The following CCDC12 variants were observed in gnomAD, a reference collection of about 807,000 sequenced individuals.
CCDC12 encodes the protein coiled-coil domain-containing protein 12.
Under a neutral mutation model 25.7 loss-of-function variants are expected in CCDC12, and 28 were observed. The ratio of observed to expected loss-of-function variants is 1.09; its 90% CI spans 0.81 to 1.50. The LOEUF is 1.50. Among genes scored for constraint, CCDC12 ranks in the 40% most tolerant of loss-of-function variants. CCDC12 has a pLI of 0.00. For synonymous variants in CCDC12, 75 were observed against 87.7 expected (o/e 0.86, Z 0.81); for missense variants, 198 against 210.0 (o/e 0.94, Z 0.35).
chr3:46,981,637 C>T (rs2035348689), upstream of CCDC12, among the ~76,000 whole-genome samples: 1 of 152,126 alleles, frequency 6.6e-6, no homozygotes, highest in Admixed American at 6.5e-5. Flanking sequence ...TGAAGAGAAG[C>T]CTACCCTAGT....
chr3:46,971,703 A>C (rs2034807152), intron 1 of CCDC12, among the ~76,000 whole-genome samples: 1 of 152,172 alleles, frequency 6.6e-6, no homozygotes, highest in African/African-American at 2.4e-5. Flanking sequence ...CCATGCCTGA[A>C]ATTCCTAAGG....
At chr3:46,941,123 G>T in intron 1 of CCDC12, 58 bp from the exon 2 acceptor site, 1 of 1,547,242 alleles carries the variant, frequency 6.5e-7, no homozygotes, top group African/African-American at 1.4e-5. Context: ...TCCAGTCCAC[G>T]TGGCCCAGGG....
At chr3:46,930,214 T>A (rs1477139053) in intron 2 of CCDC12, among the ~76,000 whole-genome samples, 1 of 152,072 alleles carries the variant, frequency 6.6e-6, no homozygotes, top group Non-Finnish European at 1.5e-5. Flanking sequence ...TTCTGTAGTT[T>A]CCGGAATTTC....
chr3:46,976,245 CT>C, intron 1 of CCDC12: 1 of 969,408 alleles, frequency 1.0e-6, no homozygotes, highest in Non-Finnish European at 1.3e-6. Flanking sequence ...GTCTGTCTGA[CT>C]CAGAATCGAA....
upstream of CCDC12, among the ~76,000 whole-genome samples, chr3:46,977,249 C>T (rs1312231995): frequency 1.3e-5 from 2 of 152,118 alleles, no homozygotes; most frequent in African/African-American, 4.8e-5. Flanking sequence ...CCGAGGAGGG[C>T]GGACCACGAG....
rs535816496 is a variant in CCDC12, at chr3:46,942,454, T to C, written c.97-1389A>G. Among the ~76,000 whole-genome samples, 3 of 152,382 alleles carry C rather than the reference T, an allele frequency of 2.0e-5. No individual in the cohort carries two copies. In the South Asian group the frequency reaches 6.2e-4, roughly 32 times the overall value. On this transcript the variant is annotated intron_variant, in intron 1 of 6. Coordinates refer to ENST00000683445, the MANE Select transcript of CCDC12 (RefSeq NM_001277074.2). Reference sequence around the variant, plus strand: ...GGAGCCTGCTCTGGTGGACACAGAATGCGCTGGAGCCTGCATATAAATTAT... The same window carrying C: ...GGAGCCTGCTCTGGTGGACACAGAACGCGCTGGAGCCTGCATATAAATTAT...
At chr3:46,971,910 G>A (rs1275402814) in intron 1 of CCDC12, among the ~76,000 whole-genome samples, 1 of 152,142 alleles carries the variant, frequency 6.6e-6, no homozygotes, top group Non-Finnish European at 1.5e-5. Flanking sequence ...CTCTGAAGGA[G>A]GAGACTCAAG....
In CCDC12 at chr3:46,922,072, G is replaced by A. The variant is rs1304250838; in HGVS notation, c.486C>T (p.Thr162=). The A allele has an allele frequency of 8.7e-6, 14 of 1,614,062 alleles. No individual in the cohort carries two copies. The highest frequency in any genetic ancestry group is 2.7e-5 in the African/African-American group (2 of 74,958). The change falls in exon 7 of 7, where the codon ACC becomes ACT. Residue 162 remains threonine (T), a synonymous_variant. Coordinates refer to ENST00000683445, the MANE Select transcript of CCDC12 (RefSeq NM_001277074.2). Reference sequence around the variant, plus strand: ...AGGGCATGCCTCAGTCGGAGTCACAGGTCTTTTGTTCGGTGGCAGCATCCA... The same window carrying A: ...AGGGCATGCCTCAGTCGGAGTCACAAGTCTTTTGTTCGGTGGCAGCATCCA... The part of the protein sequence containing the change: ...SAVDAATEQK[T]CDSD
At chr3:46,936,343 C>T (rs946815324) in intron 2 of CCDC12, among the ~76,000 whole-genome samples, 8 of 152,198 alleles carry the variant, frequency 5.3e-5, no homozygotes, top group Non-Finnish European at 8.8e-5. Flanking sequence ...CTGGCACATG[C>T]TTTATGTAAA....
Position 46,968,565 on chromosome 3 carries a change from CAA to C in CCDC12, c.96+8070_96+8071del, listed in dbSNP as rs564854634. ...AGAAGCTGTATCTCGATTTTATAGACAAGAGAGAGGCTCAGATTTTTCAAGGC... is the reference window on the plus strand; with the variant it reads ...AGAAGCTGTATCTCGATTTTATAGACGAGAGAGGCTCAGATTTTTCAAGGC... On this transcript the variant is annotated intron_variant, in intron 1 of 6. Transcript: ENST00000683445. Among the ~76,000 whole-genome samples, 155 of 152,314 alleles carry C rather than the reference CAA, an allele frequency of 1.0e-3. 1 individual carries two copies. Among genetic ancestry groups the C allele is most frequent in the Non-Finnish European group, 1.2e-3 (82 of 68,036 alleles).
intron 1 of CCDC12, among the ~76,000 whole-genome samples, chr3:46,961,456 T>G (rs1173894273): frequency 6.6e-6 from 1 of 152,162 alleles, no homozygotes; most frequent in African/African-American, 2.4e-5. Context: ...GTCCAGAGTA[T>G]GGACAGAGTC....
intron 1 of CCDC12, among the ~76,000 whole-genome samples, chr3:46,954,423 G>A (rs894586890): frequency 5.3e-5 from 8 of 152,032 alleles, no homozygotes; most frequent in Non-Finnish European, 7.4e-5. Flanking sequence ...ATACCCTTTC[G>A]CCTCCCACAC....
intron 1 of CCDC12, among the ~76,000 whole-genome samples, chr3:46,951,815 ATATATATACT>A (rs1356836447): frequency 5.2e-5 from 4 of 77,338 alleles, no homozygotes; most frequent in Non-Finnish European, 1.0e-4. Context: ...ATATATATAT[ATATATATACT>A]TAATGAGGAT....
chr3:46,925,348 C>G, intron 3 of CCDC12, 108 bp downstream of exon 3: 1 of 940,638 alleles, frequency 1.1e-6, no homozygotes, highest in African/African-American at 1.6e-5. Flanking sequence ...CCTGCAGGCC[C>G]AACTCCTGTC....
At chr3:46,967,077 T>C (rs1361352447) in intron 1 of CCDC12, among the ~76,000 whole-genome samples, 1 of 152,170 alleles carries the variant, frequency 6.6e-6, no homozygotes, top group African/African-American at 2.4e-5. Flanking sequence ...TGATATCCTG[T>C]ATCTGTTTCT....
intron 2 of CCDC12, among the ~76,000 whole-genome samples, chr3:46,936,229 C>T (rs1334023167): frequency 6.6e-6 from 1 of 152,228 alleles, no homozygotes; most frequent in Non-Finnish European, 1.5e-5. Flanking sequence ...ATAAGCGAGG[C>T]TCTACAAAGT....
At chr3:46,955,053 A>G (rs947218148) in intron 1 of CCDC12, among the ~76,000 whole-genome samples, 2 of 152,190 alleles carry the variant, frequency 1.3e-5, no homozygotes, top group South Asian at 2.1e-4. Flanking sequence ...TTCTTTTCCA[A>G]TGTTAACGGC....
At chr3:46,976,812 A>G, upstream of CCDC12, 1 of 1,542,458 alleles carries the variant, frequency 6.5e-7, no homozygotes. Flanking sequence ...CTCGCGGCCA[A>G]TCCAAGGACG....
upstream of CCDC12, among the ~76,000 whole-genome samples, chr3:46,978,861 T>C (rs1041568118): frequency 2.0e-5 from 3 of 152,106 alleles, no homozygotes; most frequent in Non-Finnish European, 4.4e-5. Context: ...CACGCGCCTG[T>C]AGTCCCAGCT....
Sources: gnomAD v4.1 joint callset for allele counts (sites outside exome capture counted in the v4.1 genomes callset) on GRCh38, gnomAD v4.1.1 for gene constraint, MANE v1.5 for transcripts, NCBI Gene and HGNC (gene_info 2026-07-23, HGNC 2026-07-21) for gene names.